Variants in MAP7 observed in about 807,000 individuals in gnomAD.
MAP7 encodes the protein microtubule associated protein 7.
A neutral mutation model predicts 94.8 loss-of-function variants in MAP7; 52 were observed. The ratio of observed to expected loss-of-function variants is 0.55; its 90% CI spans 0.44 to 0.69. MAP7 has a LOEUF of 0.69. MAP7 is among the 30% of genes least tolerant of loss of function. The pLI is 0.00. For synonymous variants in MAP7, 350 were observed against 357.0 expected, an observed-to-expected ratio of 0.98 and a Z score of 0.22; for missense variants, 940 against 964.6, an observed-to-expected ratio of 0.97 and a Z score of 0.34.
chr6:136,486,760 A>G (rs1215254196), intron 1 of MAP7, among the ~76,000 whole-genome samples: 1 of 152,228 alleles, frequency 6.6e-6, no homozygotes, highest in African/African-American at 2.4e-5. Context: ...TGCGGATCTG[A>G]TTGAACCACC....
intron 1 of MAP7, among the ~76,000 whole-genome samples, chr6:136,493,633 C>A (rs1817372362): frequency 6.6e-6 from 1 of 152,118 alleles, no homozygotes; most frequent in African/African-American, 2.4e-5. Flanking sequence ...GTCAGTTAAA[C>A]CCTCCCCTTA....
At chr6:136,478,371 C>T (rs1365327139) in intron 1 of MAP7, among the ~76,000 whole-genome samples, 1 of 151,870 alleles carries the variant, frequency 6.6e-6, no homozygotes, top group Non-Finnish European at 1.5e-5. Context: ...TGGCTTGAGG[C>T]CAGGAGTTCA....
chr6:136,446,493 A>G (rs1415132177), intron 1 of MAP7, among the ~76,000 whole-genome samples: 1 of 152,182 alleles, frequency 6.6e-6, no homozygotes, highest in Non-Finnish European at 1.5e-5. Flanking sequence ...CTAAGGCATC[A>G]CTCATTAAAT....
At chr6:136,464,080 G>A (rs921499652) in intron 1 of MAP7, among the ~76,000 whole-genome samples, 9 of 152,116 alleles carry the variant, frequency 5.9e-5, no homozygotes, top group Non-Finnish European at 1.0e-4. Context: ...GATGTTATTC[G>A]GCCTGTGACC....
chr6:136,367,462 T>G (rs1794624851), intron 8 of MAP7, among the ~76,000 whole-genome samples: 1 of 152,198 alleles, frequency 6.6e-6, no homozygotes, highest in Non-Finnish European at 1.5e-5. Context: ...GGCTCAAGCA[T>G]CGACTCCTCT....
Position 136,345,877 on chromosome 6 carries a change from C to T in MAP7, c.2218G>A (p.Val740Ile), listed in dbSNP as rs372170442. Residue 740 changes from valine to isoleucine, a missense_variant, in exon 17 of 18, where the codon GTT (valine) becomes ATT (isoleucine). Physicochemically the swap from Val to Ile is conservative, Grantham distance 29 (BLOSUM62 3). Transcript: ENST00000354570. ...TLGPLPQVDG[V>I]QTQQTAEVI ...TTACCTGCAGTCTGCTGTGTCTGAA[C>T]ACCATCTACCTGAGGCAGGGGCCCA... The T allele has an allele frequency of 6.3e-5, 102 of 1,614,158 alleles. 2 individuals are homozygous for T. In the East Asian group the frequency reaches 1.4e-3, roughly 22 times the overall value.
intron 17 of MAP7, among the ~76,000 whole-genome samples, chr6:136,345,064 G>A (rs1025663144): frequency 6.6e-6 from 1 of 152,222 alleles, no homozygotes; most frequent in African/African-American, 2.4e-5. Flanking sequence ...AAACAGGTTT[G>A]AAGAGACAGG....
chr6:136,496,342 T>A (rs1818218333), intron 1 of MAP7, among the ~76,000 whole-genome samples: 1 of 152,188 alleles, frequency 6.6e-6, no homozygotes, highest in Admixed American at 6.5e-5. Flanking sequence ...CTCATTCCTT[T>A]ATGTCATACA....
At chr6:136,360,932 G>C (rs1333484889) in intron 12 of MAP7, 73 bp downstream of exon 12, 1 of 1,544,072 alleles carries the variant, frequency 6.5e-7, no homozygotes, top group African/African-American at 1.4e-5. Flanking sequence ...AGTCCAGTCC[G>C]CACCCTCCTC....
At chr6:136,533,433 T>C (rs879651272) in intron 1 of MAP7, among the ~76,000 whole-genome samples, 11 of 152,168 alleles carry the variant, frequency 7.2e-5, no homozygotes, top group Non-Finnish European at 1.6e-4. Flanking sequence ...TGTATGACTT[T>C]TTGGGCATTT....
At chr6:136,399,429 C>T (rs754179473) in intron 3 of MAP7, among the ~76,000 whole-genome samples, 16 of 152,050 alleles carry the variant, frequency 1.1e-4, no homozygotes, top group African/African-American at 2.2e-4. Context: ...ACTGCATCCT[C>T]GACCTCCCAG....
At chr6:136,529,616 T>C (rs1828310516) in intron 1 of MAP7, among the ~76,000 whole-genome samples, 1 of 152,198 alleles carries the variant, frequency 6.6e-6, no homozygotes, top group Non-Finnish European at 1.5e-5. Flanking sequence ...AATAGAGGCT[T>C]TGTACAAATT....
intron 1 of MAP7, among the ~76,000 whole-genome samples, chr6:136,523,562 C>T (rs182302181): frequency 1.4e-4 from 21 of 152,272 alleles, no homozygotes; most frequent in African/African-American, 4.1e-4. Flanking sequence ...AAAATTCAGT[C>T]AAAGTCAATA....
At chr6:136,525,818 G>C in intron 1 of MAP7, 6 of 1,532,572 alleles carry the variant, frequency 3.9e-6, no homozygotes, top group Non-Finnish European at 5.2e-6. Flanking sequence ...CCAAAGGGTG[G>C]AGCTAATGCA....
chr6:136,468,897 T>G (rs1311062979), intron 1 of MAP7, among the ~76,000 whole-genome samples: 1 of 152,118 alleles, frequency 6.6e-6, no homozygotes, highest in Non-Finnish European at 1.5e-5. Flanking sequence ...GGGAAATGAC[T>G]GGTACCACAA....
rs143890185 is a variant in MAP7, at chr6:136,539,333, T to C, written c.67+11009A>G. 1.2e-4 allele frequency among the ~76,000 whole-genome samples: 19 copies of C among 152,298 alleles called. No homozygotes were observed. The East Asian group carries it at 3.7e-3, about 29-fold the overall frequency. On this transcript the variant is annotated intron_variant, in intron 1 of 17. Coordinates refer to ENST00000354570, the MANE Select transcript of MAP7 (RefSeq NM_003980.6). ...AGGTACCAAGTGGTGGAGCTGAGAT[T>C]GGAACCCAGGCAGCCAGACTCCAGA... is the stretch of plus-strand genomic sequence containing the variant.
chr6:136,344,589 T>C (rs914533807), intron 17 of MAP7, among the ~76,000 whole-genome samples: 2 of 152,232 alleles, frequency 1.3e-5, no homozygotes, highest in African/African-American at 4.8e-5. Flanking sequence ...GTTAAATAAA[T>C]GTTGATAAAT....
rs1219038232 is a variant in MAP7 at position 136,550,229 on chromosome 6, C to A, written c.67+113G>T. 17 of 950,424 alleles carry A rather than the reference C, an allele frequency of 1.8e-5. No individual in the cohort carries two copies. The highest frequency in any genetic ancestry group is 2.1e-5 in the Non-Finnish European group (15 of 730,334). The allele number at this position is 950,424 out of a possible 1,614,324, so 58.9% of individuals were successfully genotyped here. A position where few individuals can be genotyped will look rare whatever the true frequency, so the allele number is the denominator to read the frequency against. On this transcript the variant is annotated intron_variant, in intron 1 of 17. Transcript: ENST00000354570. This position sits in a 1 kb window ranked among gnomAD's most constrained non-coding sequence, Gnocchi z 5.1. The stretch of plus-strand genomic sequence containing the variant: ...CAGGGCCGGTTGTTCCGGGCCGCGG[C>A]CGCGCGGGCGGGGAGGGGGCTGCCG...
chr6:136,391,555 A>AC (rs1554241526), intron 3 of MAP7, among the ~76,000 whole-genome samples: 1 of 149,642 alleles, frequency 6.7e-6, no homozygotes, highest in Admixed American at 6.7e-5. Context: ...GTATAATAAA[A>AC]AACAACAACA....
Sources: gnomAD v4.1 joint callset for allele counts (sites outside exome capture counted in the v4.1 genomes callset) on GRCh38, gnomAD v4.1.1 for gene constraint, Gnocchi (gnomAD v3.1) non-coding constraint, MANE v1.5 for transcripts, NCBI Gene and HGNC (gene_info 2026-07-23, HGNC 2026-07-21) for gene names.